FAM3B: variants seen among roughly 807,000 people sequenced by gnomAD.
FAM3B encodes FAM3 metabolism regulating signaling molecule B, also known as protein FAM3B.
FAM3B carries 29 observed loss-of-function variants against 28.4 expected under a neutral mutation model. The ratio of observed to expected loss-of-function variants is 1.02; its 90% CI spans 0.76 to 1.39. The LOEUF is 1.39. Ranked by LOEUF, FAM3B falls within the 40% of genes most tolerant of loss-of-function variation. FAM3B has a pLI of 0.00. For missense variants in FAM3B, 266 were observed against 293.9 expected (o/e 0.91, Z 0.69); for synonymous variants, 91 against 103.0 (o/e 0.88, Z 0.71).
At chr21:41,333,996 G>A (rs1381817812) in intron 2 of FAM3B, among the ~76,000 whole-genome samples, 1 of 152,346 alleles carries the variant, frequency 6.6e-6, no homozygotes, top group East Asian at 1.9e-4. Context: ...CTAGGGATCT[G>A]TGGAACTCTG....
chr21:41,349,678 AGAG>A (rs1222946413), intron 7 of FAM3B, among the ~76,000 whole-genome samples: 1 of 152,194 alleles, frequency 6.6e-6, no homozygotes, highest in African/African-American at 2.4e-5. Context: ...CACCTGAGGT[AGAG>A]GAGAAGGGGG....
At chr21:41,313,341 A>G (rs1474703212), upstream of FAM3B, among the ~76,000 whole-genome samples, 1 of 152,250 alleles carries the variant, frequency 6.6e-6, no homozygotes, top group African/African-American at 2.4e-5. Context: ...GTTGCTCTGG[A>G]AAGTTTCCCT....
At chr21:41,309,959 C>T (rs1175314774) in intron 1 of FAM3B, among the ~76,000 whole-genome samples, 3 of 152,178 alleles carry the variant, frequency 2.0e-5, no homozygotes, top group Non-Finnish European at 4.4e-5. Flanking sequence ...TGGTCCCATT[C>T]AGACTCAGAA....
intron 1 of FAM3B, among the ~76,000 whole-genome samples, chr21:41,318,027 A>G (rs1056365236): frequency 2.0e-5 from 3 of 152,118 alleles, no homozygotes; most frequent in South Asian, 2.1e-4. Flanking sequence ...TCTGTATTGT[A>G]TAATTATTAT....
chr21:41,339,922 T>TCA (rs1337707016), intron 3 of FAM3B, among the ~76,000 whole-genome samples: 11 of 152,070 alleles, frequency 7.2e-5, no homozygotes, highest in African/African-American at 2.7e-4. Context: ...GCTGGAGACC[T>TCA]TGAGATGCTG....
chr21:41,348,079 T>C (rs1370680193), intron 6 of FAM3B, among the ~76,000 whole-genome samples: 6 of 152,246 alleles, frequency 3.9e-5, no homozygotes, highest in African/African-American at 1.2e-4. Context: ...AACTGTTTAC[T>C]TTCCTGTCTA....
intron 1 of FAM3B, among the ~76,000 whole-genome samples, chr21:41,310,898 AT>A (rs1282901816): frequency 2.0e-5 from 3 of 152,012 alleles, no homozygotes; most frequent in South Asian, 2.1e-4. Flanking sequence ...CTAAAAGGAT[AT>A]TTTTTCCCCA....
At chr21:41,311,252 AT>A (rs1457171044) in intron 1 of FAM3B, among the ~76,000 whole-genome samples, 2,366 of 21,174 alleles carry the variant, frequency 0.11, 204 homozygotes, top group Middle Eastern at 0.21. Flanking sequence ...AAAAAAAAAA[AT>A]ATATATATAT....
At chr21:41,356,040 T>TACATACACACACAC (rs1350874234) in intron 7 of FAM3B, among the ~76,000 whole-genome samples, 3 of 119,968 alleles carry the variant, frequency 2.5e-5, no homozygotes, top group African/African-American at 1.0e-4. Context: ...AAAAAATACA[T>TACATACACACACAC]ACACACACAC....
At chr21:41,343,933 TA>T (rs901485876) in intron 3 of FAM3B, among the ~76,000 whole-genome samples, 25 of 152,204 alleles carry the variant, frequency 1.6e-4, no homozygotes, top group Non-Finnish European at 3.1e-4. Flanking sequence ...CCCTGAGCAG[TA>T]TGGCAAAACT....
intron 2 of FAM3B, among the ~76,000 whole-genome samples, chr21:41,324,683 G>A (rs566878674): frequency 3.9e-4 from 60 of 152,308 alleles, no homozygotes; most frequent in African/African-American, 7.2e-4. Flanking sequence ...CTGAGTGCAC[G>A]TGTTTTAAGG....
chr21:41,310,482 C>A (rs577899545), intron 1 of FAM3B, among the ~76,000 whole-genome samples: 1 of 152,290 alleles, frequency 6.6e-6, no homozygotes, highest in African/African-American at 2.4e-5. Flanking sequence ...CTTTTGTGCA[C>A]TGATGCATCT....
Position 41,345,587 on chromosome 21 carries a change from TAGAC to T in FAM3B, c.347-96_347-93del, listed in dbSNP as rs2089049451. On this transcript the variant is annotated intron_variant, in intron 4 of 7. Transcript: ENST00000357985. ...TTACATCAGTGGTGTTTGCTGGAGA[TAGAC>T]AGGGAAGAAATATTTCCTTCCCCAG... The T allele has an allele frequency of 4.4e-6, 3 of 683,626 alleles. 1 individual carries two copies. 42.3% of individuals were successfully genotyped at this position (683,626 alleles called of 1,614,324 possible).
chr21:41,353,328 T>C (rs2145835245), intron 7 of FAM3B, among the ~76,000 whole-genome samples: 1 of 152,324 alleles, frequency 6.6e-6, no homozygotes, highest in Middle Eastern at 3.4e-3. Flanking sequence ...CATATGGAAA[T>C]TCAAGAGACT....
At chr21:41,345,609 T>C in intron 4 of FAM3B, 77 bp from the exon 5 acceptor site, 2 of 805,838 alleles carry the variant, frequency 2.5e-6, no homozygotes, top group Non-Finnish European at 3.9e-6. Flanking sequence ...AAATATTTCC[T>C]TCCCCAGGCC....
intron 2 of FAM3B, among the ~76,000 whole-genome samples, chr21:41,337,083 T>C (rs2088962372): frequency 6.6e-6 from 1 of 152,250 alleles, no homozygotes; most frequent in African/African-American, 2.4e-5. Context: ...CCTGGTTGTT[T>C]TGTAGGTCCT....
Position 41,357,386 on chromosome 21 carries a change from G to T in FAM3B, c.*189G>T. On this transcript the variant is annotated 3_prime_UTR_variant, in exon 8 of 8. Transcript: ENST00000357985. ...TTTTTATACCAGTATTTTATGTAGT[G>T]AAGATGTCAATTAGCAGGAAACTAA... is the stretch of plus-strand genomic sequence containing the variant. 1 of 418,106 alleles carries T rather than the reference G, an allele frequency of 2.4e-6. No homozygotes were observed. Among genetic ancestry groups the T allele is most frequent in the Non-Finnish European group, 4.4e-6 (1 of 225,956 alleles). The allele number at this position is 418,106 out of a possible 1,614,324, so 25.9% of individuals were successfully genotyped here.
At chr21:41,355,556 G>GAAAC (rs3037007) in intron 7 of FAM3B, among the ~76,000 whole-genome samples, 92,000 of 151,146 alleles carry the variant, frequency 0.61, 32,471 homozygotes, top group East Asian at 0.84. Flanking sequence ...CAGGCTAAGT[G>GAAAC]AAACAAACAA....
chr21:41,307,052 G>C (rs2088686405), intron 1 of FAM3B, among the ~76,000 whole-genome samples: 1 of 152,208 alleles, frequency 6.6e-6, no homozygotes, highest in Admixed American at 6.5e-5. Flanking sequence ...CTCTAACTCT[G>C]AAAGTCCCAG....
Sources: allele counts gnomAD v4.1 joint callset (sites outside exome capture counted in the v4.1 genomes callset), GRCh38; gene constraint gnomAD v4.1.1; transcripts MANE v1.5; gene names NCBI Gene and HGNC (gene_info 2026-07-23, HGNC 2026-07-21).